The following DSCAM variants were observed in gnomAD, a reference collection of about 807,000 sequenced individuals.
DSCAM encodes DS cell adhesion molecule.
In DSCAM, 47 loss-of-function variants were observed where a neutral mutation model predicts 217.7. The ratio of observed to expected loss-of-function variants is 0.22; its 90% CI spans 0.17 to 0.28. DSCAM has a LOEUF of 0.28. DSCAM is among the 10% of genes least tolerant of loss of function. The probability of loss-of-function intolerance (pLI) is 1.00; values close to 1 mark genes in which losing one functional copy is unlikely to be tolerated. For missense variants in DSCAM, 2,080 were observed against 2,618.3 expected (o/e 0.79, Z 4.49); for synonymous variants, 1,056 against 1,015.3 (o/e 1.04, Z -0.76).
chr21:40,327,609 A>G (rs1259875413), intron 8 of DSCAM, among the ~76,000 whole-genome samples: 1 of 149,310 alleles, frequency 6.7e-6, no homozygotes, highest in Non-Finnish European at 1.5e-5. Context: ...AAGAGTGTGC[A>G]TCTTTTTTTT....
intron 11 of DSCAM, among the ~76,000 whole-genome samples, chr21:40,211,187 T>A (rs1361076318): frequency 1.3e-5 from 2 of 152,226 alleles, no homozygotes; most frequent in Admixed American, 6.5e-5. Flanking sequence ...ATTGTGTGTG[T>A]CAACAGTTCA....
At chr21:40,435,246 C>T (rs748842732) in intron 3 of DSCAM, among the ~76,000 whole-genome samples, 1 of 152,202 alleles carries the variant, frequency 6.6e-6, no homozygotes, top group Non-Finnish European at 1.5e-5. Context: ...CCTGTGAGCC[C>T]GCAGCTGCTC....
At chr21:40,766,571 G>A (rs550030668) in intron 1 of DSCAM, among the ~76,000 whole-genome samples, 1 of 128,162 alleles carries the variant, frequency 7.8e-6, no homozygotes, top group African/African-American at 3.0e-5. Context: ...ATCAGATGGA[G>A]AAAACACAGC....
intron 3 of DSCAM, among the ~76,000 whole-genome samples, chr21:40,536,580 T>G (rs761155076): frequency 5.3e-5 from 8 of 152,064 alleles, no homozygotes; most frequent in South Asian, 2.1e-4. Context: ...TTTTATTTTT[T>G]TATTTTTAGT....
At chr21:40,419,568 G>A (rs761762200) in intron 3 of DSCAM, among the ~76,000 whole-genome samples, 8 of 152,016 alleles carry the variant, frequency 5.3e-5, no homozygotes, top group Non-Finnish European at 1.0e-4. Flanking sequence ...CATATATGAG[G>A]GCAAAGAAAG....
chr21:40,128,510 G>T (rs1568955469), intron 19 of DSCAM, among the ~76,000 whole-genome samples: 1 of 151,938 alleles, frequency 6.6e-6, no homozygotes, highest in Non-Finnish European at 1.5e-5. Flanking sequence ...TTCCTGGGTG[G>T]GCTGGGTTTA....
At chr21:40,830,454 G>A (rs186353364) in intron 1 of DSCAM, among the ~76,000 whole-genome samples, 1 of 152,166 alleles carries the variant, frequency 6.6e-6, no homozygotes, top group Admixed American at 6.5e-5. Context: ...TGAGATTTGG[G>A]CAGGGAAAAA....
At chr21:40,398,560 C>T (rs112131644) in intron 3 of DSCAM, among the ~76,000 whole-genome samples, 93 of 152,224 alleles carry the variant, frequency 6.1e-4, no homozygotes, top group African/African-American at 2.1e-3. Flanking sequence ...CTGTCTGCTC[C>T]GCTAACTTTG....
At chr21:40,050,974 C>T (rs2088921571) in intron 30 of DSCAM, among the ~76,000 whole-genome samples, 1 of 152,144 alleles carries the variant, frequency 6.6e-6, no homozygotes, top group African/African-American at 2.4e-5. Flanking sequence ...ATTTCAATGC[C>T]TGCTGAAACT....
intron 3 of DSCAM, among the ~76,000 whole-genome samples, chr21:40,422,637 G>A (rs1352801610): frequency 2.0e-5 from 3 of 152,056 alleles, no homozygotes; most frequent in East Asian, 1.9e-4. Flanking sequence ...GTGAGACTCC[G>A]TCTCAATAAC....
rs2123698095 is a variant in DSCAM, at chr21:40,369,180, A to G, written c.574T>C (p.Leu192=). 6.2e-7 allele frequency: 1 copy of G among 1,613,444 alleles called. No homozygotes were observed. Among genetic ancestry groups the G allele is most frequent in the South Asian group, 1.1e-5 (1 of 90,900 alleles). ...CGCGTGATGCAGCGGTAGTTATACAATCCATCTTCATTCTGTACATCTTTA... is the reference window on the plus strand; with the variant it reads ...CGCGTGATGCAGCGGTAGTTATACAGTCCATCTTCATTCTGTACATCTTTA... ...YIKDVQNEDG[L]YNYRCITRHR... The change falls in exon 4 of 33, where the codon TTG becomes CTG. Residue 192 remains leucine (L), a synonymous_variant. Coordinates refer to ENST00000400454, the MANE Select transcript of DSCAM (RefSeq NM_001389.5).
intron 20 of DSCAM, among the ~76,000 whole-genome samples, chr21:40,109,779 C>T (rs772391666): frequency 1.4e-4 from 22 of 152,154 alleles, no homozygotes; most frequent in Non-Finnish European, 1.3e-4. Flanking sequence ...TATCCTGTGC[C>T]TTGCTTGGAG....
intron 30 of DSCAM, among the ~76,000 whole-genome samples, chr21:40,046,814 A>G (rs1038262522): frequency 6.6e-6 from 1 of 151,860 alleles, no homozygotes; most frequent in Non-Finnish European, 1.5e-5. Flanking sequence ...CACTTCAAGG[A>G]TACAGTCATT....
At chr21:40,578,639 C>G (rs2076876524) in intron 3 of DSCAM, among the ~76,000 whole-genome samples, 1 of 152,202 alleles carries the variant, frequency 6.6e-6, no homozygotes, top group South Asian at 2.1e-4. Context: ...TTTTGCTCTT[C>G]ACAATAAATC....
Position 40,055,847 on chromosome 21 carries a change from AT to A in DSCAM, c.4920-8del, listed in dbSNP as rs2089009947. On this transcript the variant is annotated splice_region_variant and splice_polypyrimidine_tract_variant and intron_variant, in intron 28 of 32. Transcript: ENST00000400454. ...TGAAGTCCGGGTATTCTTACTGGGAATAAAATGGGGTAATGCATTAACAAAT... is the reference window on the plus strand; with the variant it reads ...TGAAGTCCGGGTATTCTTACTGGGAAAAAATGGGGTAATGCATTAACAAAT... 1 of 1,606,960 alleles carries A rather than the reference AT, an allele frequency of 6.2e-7. No homozygotes were observed. Among genetic ancestry groups the A allele is most frequent in the African/African-American group, 1.3e-5 (1 of 74,938 alleles).
chr21:40,042,346 C>T, intron 32 of DSCAM, 25 bp downstream of exon 32: 1 of 1,606,680 alleles, frequency 6.2e-7, no homozygotes, highest in Non-Finnish European at 8.5e-7. Flanking sequence ...TAAGCGACGG[C>T]CCCCAGGTGG....
At chr21:40,108,396 T>A (rs2089849368) in intron 20 of DSCAM, among the ~76,000 whole-genome samples, 1 of 152,100 alleles carries the variant, frequency 6.6e-6, no homozygotes, top group African/African-American at 2.4e-5. Flanking sequence ...TAAACTCCCA[T>A]TCACAACTGC....
intron 3 of DSCAM, among the ~76,000 whole-genome samples, chr21:40,667,545 C>T (rs115671986): frequency 0.014 from 2,176 of 152,284 alleles, 69 homozygotes; most frequent in African/African-American, 0.049. Context: ...TATGGCTTGG[C>T]TGTGTCCTCA....
In DSCAM at chr21:40,054,172, A is replaced by C. The variant is rs564017735; in HGVS notation, c.5035+1553T>G. On this transcript the variant is annotated intron_variant, in intron 29 of 32. Transcript: ENST00000400454. ...TTCCAGGTATACCTTCCCCTTTCCC[A>C]AAAAAAGATAATCAAAAGCAAAACA... 2.6e-5 allele frequency among the ~76,000 whole-genome samples: 4 copies of C among 152,306 alleles called. No individual in the cohort carries two copies. In the South Asian group the frequency reaches 6.2e-4, roughly 24 times the overall value.
Sources: gnomAD v4.1 joint callset for allele counts (sites outside exome capture counted in the v4.1 genomes callset) on GRCh38, gnomAD v4.1.1 for gene constraint, MANE v1.5 for transcripts, NCBI Gene and HGNC (gene_info 2026-07-23, HGNC 2026-07-21) for gene names.